The following CORO7 variants were observed in gnomAD, a reference collection of about 807,000 sequenced individuals.
The protein encoded by CORO7 is coronin 7.
A neutral mutation model predicts 126.6 loss-of-function variants in CORO7; 107 were observed. The ratio of observed to expected loss-of-function variants is 0.85; its 90% CI spans 0.72 to 0.99. CORO7 has a LOEUF of 0.99. Ranked by LOEUF, CORO7 falls within the 50% of genes least tolerant of loss-of-function variation. CORO7 has a pLI of 0.00. For synonymous variants in CORO7, 603 were observed against 536.8 expected (o/e 1.12, Z -1.70); for missense variants, 1,314 against 1,255.8 (o/e 1.05, Z -0.70).
intron 8 of CORO7, 139 bp downstream of exon 8, chr16:4,388,406 G>T: frequency 1.0e-6 from 1 of 955,254 alleles, no homozygotes; most frequent in South Asian, 1.6e-5. Flanking sequence ...TCTGAGACCC[G>T]GCAGCACAGC....
At chr16:4,383,841 C>A (rs2055094255) in intron 9 of CORO7, among the ~76,000 whole-genome samples, 1 of 152,186 alleles carries the variant, frequency 6.6e-6, no homozygotes, top group Admixed American at 6.5e-5. Flanking sequence ...CCAGGTGAGT[C>A]CCTTGTGGGT....
At chr16:4,374,086 C>CGTGTGTGTGTGTGTGTGTGTGTGTGTGT (rs112578905) in intron 9 of CORO7, among the ~76,000 whole-genome samples, 5 of 148,702 alleles carry the variant, frequency 3.4e-5, no homozygotes, top group African/African-American at 9.9e-5. Flanking sequence ...GGAGGGTGCA[C>CGTGTGTGTGTGTGTGTGTGTGTGTGTGT]GTGTGTGTGT....
intron 9 of CORO7, among the ~76,000 whole-genome samples, chr16:4,368,347 A>C (rs2054412663): frequency 6.6e-6 from 1 of 152,008 alleles, no homozygotes; most frequent in African/African-American, 2.4e-5. Flanking sequence ...ACTCCATCTC[A>C]AAAAATAAAA....
intron 9 of CORO7, among the ~76,000 whole-genome samples, chr16:4,367,756 T>C: frequency 6.6e-6 from 1 of 152,120 alleles, no homozygotes; most frequent in East Asian, 1.9e-4. Context: ...ATGGACAATG[T>C]GCCTGACAGC....
At chr16:4,357,747 G>T (rs2054024563) in intron 25 of CORO7, 2 of 710,124 alleles carry the variant, frequency 2.8e-6, no homozygotes, top group South Asian at 2.2e-5. Context: ...ACACCACAGT[G>T]TGTGCGTGTG....
chr16:4,401,502 G>A (rs1173011104), intron 6 of CORO7, among the ~76,000 whole-genome samples: 1 of 152,216 alleles, frequency 6.6e-6, no homozygotes, highest in Non-Finnish European at 1.5e-5. Context: ...CCAGGGACTG[G>A]CTCTTAAAAC....
rs1231679140 is a variant in CORO7, at chr16:4,360,464, T to C, written c.2002A>G (p.Ser668Gly). 2 of 1,612,570 alleles carry C rather than the reference T, an allele frequency of 1.2e-6. No homozygotes were observed. Among genetic ancestry groups the C allele is most frequent in the South Asian group, 2.2e-5 (2 of 91,014 alleles). The change falls in exon 20 of 28, where the codon AGT (serine) becomes GGT (glycine). Residue 668 changes from serine to glycine, a missense_variant. Physicochemically the swap from Ser to Gly is moderately conservative, Grantham distance 56. Transcript: ENST00000251166. ...DGRVRVYRPR[S>G]GPEPLQEGPG... ...CTCACCTGCAGGGGCTCAGGGCCACTCCGGGGCCTGTAGACCCGCACACGC... is the reference window on the plus strand; with the variant it reads ...CTCACCTGCAGGGGCTCAGGGCCACCCCGGGGCCTGTAGACCCGCACACGC...
In CORO7 at chr16:4,360,498, G is replaced by A. The variant is rs532274432; in HGVS notation, c.1968C>T (p.Cys656=). ...TGTAGACCCGCACACGCCCATCCTT[G>A]CAGACAGTGGCCAGCTGCTGCCCAT... ...SPDGQQLATV[C]KDGRVRVYRP... is the part of the protein sequence containing the mutation. Residue 656 remains cysteine (C), a synonymous_variant, in exon 20 of 28, where the codon TGC becomes TGT. Transcript: ENST00000251166. 67 of 1,611,982 alleles carry A rather than the reference G, an allele frequency of 4.2e-5. No individual in the cohort carries two copies. The Admixed American group carries it at 9.4e-4, about 23-fold the overall frequency.
At chr16:4,394,227 C>T (rs1159788990) in intron 7 of CORO7, among the ~76,000 whole-genome samples, 1 of 151,978 alleles carries the variant, frequency 6.6e-6, no homozygotes, top group Non-Finnish European at 1.5e-5. Context: ...GGGAGGATCA[C>T]GAGGTCAGGA....
chr16:4,410,812 T>C (rs1433413303), intron 3 of CORO7, among the ~76,000 whole-genome samples: 1 of 152,204 alleles, frequency 6.6e-6, no homozygotes, highest in Non-Finnish European at 1.5e-5. Context: ...AACTCAACTC[T>C]GCAGTTGTTG....
chr16:4,403,271 C>A (rs554857380), intron 6 of CORO7, among the ~76,000 whole-genome samples: 20 of 152,206 alleles, frequency 1.3e-4, no homozygotes, highest in African/African-American at 4.3e-4. Flanking sequence ...GGCCGCCCCC[C>A]ACTCCCGGCT....
Position 4,373,699 on chromosome 16 carries a change from C to T in CORO7, c.786-8154G>A, listed in dbSNP as rs1466081615. Among the ~76,000 whole-genome samples the T allele has an allele frequency of 6.6e-5, 10 of 152,270 alleles. No individual in the cohort carries two copies. In the East Asian group the frequency reaches 1.9e-3, roughly 29 times the overall value. On this transcript the variant is annotated intron_variant, in intron 9 of 27. Coordinates refer to ENST00000251166, the MANE Select transcript of CORO7 (RefSeq NM_024535.5). ...GGGGAGCTGGGACAAGTCCCAAGTA[C>T]AGAAAATTAAGTCCTTGCCTGGGCT...
At chr16:4,379,194 G>A (rs1444431609) in intron 9 of CORO7, among the ~76,000 whole-genome samples, 1 of 152,116 alleles carries the variant, frequency 6.6e-6, no homozygotes, top group East Asian at 1.9e-4. Context: ...CTGTGTGGGG[G>A]AAGGGGAAGC....
intron 9 of CORO7, among the ~76,000 whole-genome samples, chr16:4,367,213 G>A (rs925025009): frequency 2.6e-5 from 4 of 152,214 alleles, no homozygotes; most frequent in Non-Finnish European, 4.4e-5. Flanking sequence ...GCCGGGCTCA[G>A]CAATGCCCTT....
intron 9 of CORO7, among the ~76,000 whole-genome samples, chr16:4,375,878 C>T (rs1017247489): frequency 1.3e-5 from 2 of 152,244 alleles, no homozygotes; most frequent in South Asian, 2.1e-4. Flanking sequence ...TGCAGCCCGG[C>T]GGGCAAAGCC....
intron 9 of CORO7, chr16:4,381,569 T>C (rs755891760): frequency 6.2e-7 from 1 of 1,605,316 alleles, no homozygotes; most frequent in African/African-American, 1.3e-5. Context: ...CTGGAGCGAG[T>C]GCCACCTGTG....
chr16:4,382,995 C>T (rs2055055913), intron 9 of CORO7: 4 of 1,315,870 alleles, frequency 3.0e-6, no homozygotes, highest in Non-Finnish European at 3.1e-6. Flanking sequence ...CAGTCCCAAC[C>T]TCGGGGATGT....
In CORO7 at chr16:4,388,600, C is replaced by A; in HGVS notation, c.647G>T (p.Ser216Ile). Reference protein sequence around the residue: ...STQAHENSRDSRLAWMGTWEH... With the variant: ...STQAHENSRDIRLAWMGTWEH... ...CCAGGTGCCCATCCATGCCAGCCGG[C>A]TATCCCTGCTGTTCTCATGGGCCTG... Residue 216 changes from serine to isoleucine, a missense_variant, in exon 8 of 28, where the codon AGC becomes ATC. Ser to Ile is a moderately radical substitution (Grantham distance 142). Transcript: ENST00000251166. 1.2e-6 allele frequency: 2 copies of A among 1,612,960 alleles called. No homozygotes were observed. The highest frequency in any genetic ancestry group is 1.3e-5 in the African/African-American group (1 of 75,072).
At chr16:4,408,893 G>A (rs2056105228) in intron 3 of CORO7, among the ~76,000 whole-genome samples, 1 of 152,172 alleles carries the variant, frequency 6.6e-6, no homozygotes, top group Admixed American at 6.5e-5. Context: ...AACTCAGGAG[G>A]CAGAAGTTGG....
Sources: allele counts gnomAD v4.1 joint callset (sites outside exome capture counted in the v4.1 genomes callset), GRCh38; gene constraint gnomAD v4.1.1; transcripts MANE v1.5; gene names NCBI Gene and HGNC (gene_info 2026-07-23, HGNC 2026-07-21).